The following COG3 variants were observed in gnomAD, a reference collection of about 807,000 sequenced individuals.
The protein encoded by COG3 is component of oligomeric golgi complex 3, also known as conserved oligomeric Golgi complex subunit 3.
COG3 carries 32 observed loss-of-function variants against 114.1 expected under a neutral mutation model. The ratio of observed to expected loss-of-function variants is 0.28; its 90% confidence interval spans 0.21 to 0.38. COG3 has a LOEUF of 0.38. COG3 is among the 10% of genes least tolerant of loss of function. The pLI is 1.00. For missense variants in COG3, 813 were observed against 973.2 expected (o/e 0.84, Z 2.19); for synonymous variants, 352 against 365.7 (o/e 0.96, Z 0.43).
In COG3 at chr13:45,535,148, CTT is replaced by C. The variant is rs1873467824; in HGVS notation, c.*420_*421del. ...TGCTAAAACGTGAAACACTGTAACA[CTT>C]TTAACCACTGAGCATTCCACAGTGA... is the stretch of plus-strand genomic sequence containing the variant. On this transcript the variant is annotated 3_prime_UTR_variant, in exon 23 of 23. Coordinates refer to ENST00000349995, the MANE Select transcript of COG3 (RefSeq NM_031431.4). 1 of 995,242 alleles carries C rather than the reference CTT, an allele frequency of 1.0e-6. No individual in the cohort carries two copies. The highest frequency in any genetic ancestry group is 1.2e-6 in the Non-Finnish European group (1 of 836,826). 61.7% of individuals were successfully genotyped at this position (995,242 alleles called of 1,614,324 possible).
intron 1 of COG3, chr13:45,465,434 C>A: frequency 1.4e-6 from 1 of 699,926 alleles, no homozygotes; most frequent in Non-Finnish European, 2.2e-6. Flanking sequence ...GTGGGGGTGT[C>A]CTGCAGCTGG....
intron 13 of COG3, among the ~76,000 whole-genome samples, chr13:45,499,598 T>A (rs1255094877): frequency 6.6e-6 from 1 of 152,228 alleles, no homozygotes; most frequent in African/African-American, 2.4e-5. Context: ...AATACTGACC[T>A]TGGAGTATTG....
rs750623157 is a variant in COG3, at chr13:45,524,960, T to G, written c.2155-16T>G. On this transcript the variant is annotated splice_polypyrimidine_tract_variant and intron_variant, in intron 19 of 22. Transcript: ENST00000349995. ...TGATGAAATGAAACTTTTTTTCTTTTTGTCTCCTCTATTAGGTTTCAGCGT... is the reference window on the plus strand; with the variant it reads ...TGATGAAATGAAACTTTTTTTCTTTGTGTCTCCTCTATTAGGTTTCAGCGT... The G allele has an allele frequency of 6.1e-5, 98 of 1,609,474 alleles. No homozygotes were observed. Among genetic ancestry groups the G allele is most frequent in the Non-Finnish European group, 8.2e-5 (96 of 1,177,190 alleles).
At chr13:45,525,218 C>T (rs1229945991) in intron 20 of COG3, among the ~76,000 whole-genome samples, 167 bp downstream of exon 20, 1 of 152,036 alleles carries the variant, frequency 6.6e-6, no homozygotes, top group Non-Finnish European at 1.5e-5. Flanking sequence ...AATTGGTTAG[C>T]ACTACTTGCA....
intron 7 of COG3, 29 bp from the exon 8 acceptor site, chr13:45,486,466 C>T (rs1886676940): frequency 7.3e-7 from 1 of 1,364,478 alleles, no homozygotes; most frequent in Non-Finnish European, 1.0e-6. Context: ...AATTATCTTC[C>T]TTCCTTATCC....
At chr13:45,534,429 GC>G (rs1255475914) in intron 22 of COG3, 1 of 311,322 alleles carries the variant, frequency 3.2e-6, no homozygotes, top group Non-Finnish European at 5.8e-6. Context: ...CTACTTTATA[GC>G]CATGTTTACT....
At chr13:45,489,262 CAA>C (rs377551623) in intron 8 of COG3, among the ~76,000 whole-genome samples, 37 of 43,598 alleles carry the variant, frequency 8.5e-4, no homozygotes, top group Admixed American at 1.0e-3. Flanking sequence ...GACCCAGCCT[CAA>C]AAAAAAAAAA....
rs1566252925 is a variant in COG3 at position 45,493,423 on chromosome 13, ACT to A, written c.1267_1268del (p.Leu423ValfsTer8). 4 of 1,613,058 alleles carry A rather than the reference ACT, an allele frequency of 2.5e-6. No individual in the cohort carries two copies. The highest frequency in any genetic ancestry group is 2.5e-6 in the Non-Finnish European group (3 of 1,179,390). ...GATCATTCATGTTATTCACTTAGAGACTCTGTCGGAACTTTGTGGGATTCTTA... is the reference window on the plus strand; with the variant it reads ...GATCATTCATGTTATTCACTTAGAGACTGTCGGAACTTTGTGGGATTCTTA... The part of the protein sequence containing the change: ...PLIIHVIHLE[T>X]LSELCGILKN... On this transcript the variant is annotated frameshift_variant, in exon 12 of 23. Coordinates refer to ENST00000349995, the MANE Select transcript of COG3 (RefSeq NM_031431.4). LOFTEE classifies it high-confidence loss of function.
chr13:45,486,561 G>A lies in COG3; in HGVS notation c.910G>A (p.Ala304Thr). The change falls in exon 8 of 23, where the codon GCC (alanine) becomes ACC (threonine). Residue 304 changes from alanine (A) to threonine (T), a missense_variant. By Grantham distance (58) the Ala-to-Thr change is moderately conservative (BLOSUM62 0). Transcript: ENST00000349995. The part of the protein sequence containing the change: ...TLFYVKFRAA[A>T]PKVRTLIEQI... Reference sequence around the variant, plus strand: ...ATTTTATGTGAAATTTCGAGCTGCTGCCCCCAAAGTCAGAGTAAGTCTATT... The same window carrying A: ...ATTTTATGTGAAATTTCGAGCTGCTACCCCCAAAGTCAGAGTAAGTCTATT... 6.2e-7 allele frequency: 1 copy of A among 1,604,196 alleles called. No individual in the cohort carries two copies. The highest frequency in any genetic ancestry group is 8.5e-7 in the Non-Finnish European group (1 of 1,171,090).
chr13:45,465,666 C>G (rs1228508016), intron 1 of COG3: 1 of 156,108 alleles, frequency 6.4e-6, no homozygotes, highest in African/African-American at 2.4e-5. Flanking sequence ...GTTGCTTTGT[C>G]CATGGGGGTC....
chr13:45,510,081 C>T (rs1447101110), intron 15 of COG3, among the ~76,000 whole-genome samples: 1 of 152,078 alleles, frequency 6.6e-6, no homozygotes, highest in Non-Finnish European at 1.5e-5. Context: ...GTGTGCATTC[C>T]TGAAGAGAAG....
chr13:45,483,416 T>A, intron 7 of COG3, 61 bp downstream of exon 7: 1 of 1,370,826 alleles, frequency 7.3e-7, no homozygotes, highest in Non-Finnish European at 9.8e-7. Flanking sequence ...TTCATTCATC[T>A]TCCATAATCT....
chr13:45,534,792 GC>G lies in COG3; in HGVS notation c.*62del, dbSNP rs1331484637. 2.3e-5 allele frequency: 35 copies of G among 1,526,168 alleles called. No homozygotes were observed. 94.5% of individuals were successfully genotyped at this position (1,526,168 alleles called of 1,614,324 possible). A position where few individuals can be genotyped will look rare whatever the true frequency, so the allele number is the denominator to read the frequency against. ...TGGGAGGAGCAGGCTGAGAAGTCTT[GC>G]AGTCTGCAGGACACCGAGGAATCGT... On this transcript the variant is annotated 3_prime_UTR_variant, in exon 23 of 23. Transcript: ENST00000349995.
intron 20 of COG3, among the ~76,000 whole-genome samples, chr13:45,527,833 C>G (rs1323357920): frequency 6.6e-6 from 1 of 152,082 alleles, no homozygotes; most frequent in African/African-American, 2.4e-5. Flanking sequence ...CTTGAAGGAG[C>G]TTTCATGTAT....
At position 45,486,180 on chromosome 13, in the gene COG3, A is replaced by T. The variant is rs934171033; in HGVS notation, c.844-315A>T. On this transcript the variant is annotated intron_variant, in intron 7 of 22. Coordinates refer to ENST00000349995, the MANE Select transcript of COG3 (RefSeq NM_031431.4). ...ATCAGGCGTGGCGGTGCGTGCCTGC[A>T]ATCGCAGGCATTCGGCAGACTGAGG... 4.2e-5 allele frequency among the ~76,000 whole-genome samples: 6 copies of T among 141,472 alleles called. No individual in the cohort carries two copies. The South Asian group carries it at 1.3e-3, about 32-fold the overall frequency. 92.8% of individuals were successfully genotyped at this position (141,472 alleles called of 152,430 possible).
chr13:45,516,084 A>G (rs1871510140), intron 16 of COG3, 59 bp from the exon 17 acceptor site: 3 of 1,303,060 alleles, frequency 2.3e-6, no homozygotes, highest in Admixed American at 4.1e-5. Context: ...TGTATGCTGT[A>G]TATGCTTTTA....
intron 1 of COG3, among the ~76,000 whole-genome samples, chr13:45,468,493 C>T (rs1046743889): frequency 6.6e-6 from 1 of 152,102 alleles, no homozygotes; most frequent in Non-Finnish European, 1.5e-5. Flanking sequence ...TCTGAGACTC[C>T]ACCTATACCT....
chr13:45,517,501 A>T (rs150823655), intron 17 of COG3, among the ~76,000 whole-genome samples: 83 of 152,232 alleles, frequency 5.5e-4, no homozygotes, highest in African/African-American at 2.0e-3. Context: ...TAAAATTTTT[A>T]AATTATTTTT....
At chr13:45,525,562 G>A (rs1228157874) in intron 20 of COG3, among the ~76,000 whole-genome samples, 3 of 126,444 alleles carry the variant, frequency 2.4e-5, no homozygotes, top group African/African-American at 8.1e-5. Context: ...TGTCTGATTG[G>A]CAGATGTATT....
Sources: allele counts gnomAD v4.1 joint callset (sites outside exome capture counted in the v4.1 genomes callset), GRCh38; gene constraint gnomAD v4.1.1; transcripts MANE v1.5; gene names NCBI Gene and HGNC (gene_info 2026-07-23, HGNC 2026-07-21).